The following CNTN5 variants were observed in gnomAD, a reference collection of about 807,000 sequenced individuals.
CNTN5 encodes contactin 5.
In CNTN5, 77 loss-of-function variants were observed where a neutral mutation model predicts 129.1. The ratio of observed to expected loss-of-function variants is 0.60; its 90% CI spans 0.50 to 0.72. The LOEUF is 0.72. CNTN5 is among the 30% of genes least tolerant of loss of function. The pLI is 0.00. For synonymous variants in CNTN5, 509 were observed against 465.6 expected (o/e 1.09, Z -1.20); for missense variants, 1,478 against 1,328.8 (o/e 1.11, Z -1.75).
rs550114317 is a variant in CNTN5, at chr11:99,162,167, T to C, written c.-210+140897T>C. ...GGTTGATCTAAACTAAAAAGAGCTATCTTGTCCTGTTTTGATGATATTTGT... is the reference window on the plus strand; with the variant it reads ...GGTTGATCTAAACTAAAAAGAGCTACCTTGTCCTGTTTTGATGATATTTGT... On this transcript the variant is annotated intron_variant, in intron 1 of 24. Coordinates refer to ENST00000524871, the MANE Select transcript of CNTN5 (RefSeq NM_014361.4). 4.6e-5 allele frequency among the ~76,000 whole-genome samples: 7 copies of C among 152,266 alleles called. No individual in the cohort carries two copies. The East Asian group carries it at 1.4e-3, about 29-fold the overall frequency.
intron 9 of CNTN5, among the ~76,000 whole-genome samples, chr11:100,048,524 A>C (rs1942802073): frequency 6.6e-6 from 1 of 152,152 alleles, no homozygotes. Context: ...TATAATCAAG[A>C]GAGAAATAGA....
At chr11:99,898,078 G>A (rs542704171) in intron 6 of CNTN5, among the ~76,000 whole-genome samples, 9 of 152,172 alleles carry the variant, frequency 5.9e-5, no homozygotes, top group East Asian at 3.9e-4. Flanking sequence ...TGAAGGCATT[G>A]CTAAGAGGAA....
intron 3 of CNTN5, among the ~76,000 whole-genome samples, chr11:99,797,382 G>C (rs1448435593): frequency 6.6e-6 from 1 of 152,118 alleles, no homozygotes; most frequent in East Asian, 1.9e-4. Context: ...GTGTATAAGT[G>C]TTCCCTTTAC....
At chr11:99,776,438 AT>A (rs111451993) in intron 3 of CNTN5, among the ~76,000 whole-genome samples, 15 of 151,398 alleles carry the variant, frequency 9.9e-5, no homozygotes, top group African/African-American at 3.1e-4. Context: ...ATCATTATCA[AT>A]TTTTTTTTAA....
intron 1 of CNTN5, among the ~76,000 whole-genome samples, chr11:99,071,182 G>T (rs535963995): frequency 6.6e-6 from 1 of 152,194 alleles, no homozygotes; most frequent in East Asian, 1.9e-4. Context: ...GAGGCTCAAA[G>T]AACATAAAAT....
At chr11:99,403,994 T>TA (rs1421405161) in intron 2 of CNTN5, among the ~76,000 whole-genome samples, 1 of 152,162 alleles carries the variant, frequency 6.6e-6, no homozygotes, top group African/African-American at 2.4e-5. Context: ...TCTATCTCTG[T>TA]ATTTAGCTCT....
chr11:100,333,408 GAAAAAAAAAAA>G (rs547220238), intron 21 of CNTN5, among the ~76,000 whole-genome samples: 18 of 74,286 alleles, frequency 2.4e-4, no homozygotes, highest in African/African-American at 9.1e-4. Flanking sequence ...CACTGAATTA[GAAAAAAAAAAA>G]AAAAAAAAAA....
At chr11:99,052,706 A>G (rs572590107) in intron 1 of CNTN5, among the ~76,000 whole-genome samples, 13 of 151,860 alleles carry the variant, frequency 8.6e-5, no homozygotes, top group Non-Finnish European at 1.6e-4. Context: ...TCTGAAAGAC[A>G]TCTAGTGGTT....
At position 99,981,077 on chromosome 11, in the gene CNTN5, G is replaced by GAGATATATATATATATAT. The variant is rs1555171289; in HGVS notation, c.878-20956_878-20955insGATATATATATATATATA. Among the ~76,000 whole-genome samples the GAGATATATATATATATAT allele has an allele frequency of 3.3e-4, 19 of 57,570 alleles. No individual in the cohort carries two copies. In the East Asian group the frequency reaches 3.6e-3, roughly 11 times the overall value. 37.8% of individuals were successfully genotyped at this position (57,570 alleles called of 152,430 possible). ...TTTTATAGAGAGAAAGAGCCAATAG[G>GAGATATATATATATATAT]ATATATATATATATATATATATATA... On this transcript the variant is annotated intron_variant, in intron 8 of 24. Transcript: ENST00000524871.
chr11:100,045,087 C>T (rs559051459), intron 9 of CNTN5, among the ~76,000 whole-genome samples: 146 of 151,696 alleles, frequency 9.6e-4, no homozygotes, highest in Non-Finnish European at 3.2e-4. Flanking sequence ...ATCTACTTAC[C>T]CCTAACCCAA....
intron 6 of CNTN5, among the ~76,000 whole-genome samples, chr11:99,887,814 C>T (rs748237245): frequency 1.2e-4 from 19 of 152,224 alleles, no homozygotes; most frequent in Non-Finnish European, 2.1e-4. Context: ...CTTCCAGCTT[C>T]TTCCGCCTAC....
At chr11:99,266,366 A>T (rs974802249) in intron 1 of CNTN5, among the ~76,000 whole-genome samples, 1 of 152,086 alleles carries the variant, frequency 6.6e-6, no homozygotes. Context: ...TGGAAAGCAT[A>T]GGTGGGAGGA....
intron 9 of CNTN5, among the ~76,000 whole-genome samples, chr11:100,035,098 C>A (rs148499909): frequency 6.6e-6 from 1 of 151,928 alleles, no homozygotes; most frequent in Non-Finnish European, 1.5e-5. Flanking sequence ...ATGAGGTATA[C>A]CTCCTAATGC....
chr11:99,628,639 C>CAG (rs1413551289), intron 3 of CNTN5, among the ~76,000 whole-genome samples: 53 of 151,604 alleles, frequency 3.5e-4, no homozygotes, highest in African/African-American at 1.3e-3. Context: ...CACACACACA[C>CAG]ACACACACAC....
chr11:100,116,150 A>T (rs1325193894), intron 13 of CNTN5, among the ~76,000 whole-genome samples: 1 of 151,990 alleles, frequency 6.6e-6, no homozygotes, highest in Non-Finnish European at 1.5e-5. Context: ...TTGCTCTTAT[A>T]TCAAAAAGTC....
chr11:99,691,261 T>G (rs1043594489), intron 3 of CNTN5, among the ~76,000 whole-genome samples: 11 of 152,018 alleles, frequency 7.2e-5, no homozygotes, highest in African/African-American at 2.4e-4. Flanking sequence ...TTAACTCAGC[T>G]CTGATCTTTA....
At chr11:99,656,285 G>A (rs1342626617) in intron 3 of CNTN5, among the ~76,000 whole-genome samples, 1 of 152,004 alleles carries the variant, frequency 6.6e-6, no homozygotes. Flanking sequence ...GCATTTTATT[G>A]CTACTCTTTC....
At chr11:99,661,943 A>G (rs1011638081) in intron 3 of CNTN5, among the ~76,000 whole-genome samples, 5 of 152,268 alleles carry the variant, frequency 3.3e-5, no homozygotes, top group Admixed American at 2.0e-4. Flanking sequence ...AATATCATAC[A>G]TATAGACAGA....
At chr11:99,567,253 CCA>C (rs1949035002) in intron 3 of CNTN5, among the ~76,000 whole-genome samples, 1 of 152,164 alleles carries the variant, frequency 6.6e-6, no homozygotes, top group Admixed American at 6.5e-5. Context: ...ATTCCTGGAG[CCA>C]CAGTGACCTC....
Sources: gnomAD v4.1 joint callset for allele counts (sites outside exome capture counted in the v4.1 genomes callset) on GRCh38, gnomAD v4.1.1 for gene constraint, MANE v1.5 for transcripts, NCBI Gene and HGNC (gene_info 2026-07-23, HGNC 2026-07-21) for gene names.